Variants in GOLPH3 observed in about 807,000 individuals in gnomAD.
GOLPH3 encodes golgi phosphoprotein 3.
In GOLPH3, 14 loss-of-function variants were observed where a neutral mutation model predicts 28.5. That is an observed-to-expected ratio of 0.49 (90% CI 0.32 to 0.77). The LOEUF is 0.77. GOLPH3 is among the 30% of genes least tolerant of loss of function. The probability of loss-of-function intolerance (pLI) is 0.03; values close to 1 mark genes in which losing one functional copy is unlikely to be tolerated. For synonymous variants in GOLPH3, 158 were observed against 159.2 expected, an observed-to-expected ratio of 0.99 and a Z score of 0.06; for missense variants, 350 against 393.7, an observed-to-expected ratio of 0.89 and a Z score of 0.94.
In GOLPH3 at chr5:32,174,047, GGCGCCGAGCC is replaced by G; in HGVS notation, c.-23_-14del. ...TCAGCGAGGTCATGGCTCCCGCCGA[GGCGCCGAGCC>G]GGGCCGAGAGGGTCGCAGGACCGAC... On this transcript the variant is annotated 5_prime_UTR_variant, in exon 1 of 4. Transcript: ENST00000265070. The G allele has an allele frequency of 7.9e-7, 1 of 1,273,316 alleles. No individual in the cohort carries two copies. Among genetic ancestry groups the G allele is most frequent in the East Asian group, 3.2e-5 (1 of 31,492 alleles). 78.9% of individuals were successfully genotyped at this position (1,273,316 alleles called of 1,614,324 possible). A position where few individuals can be genotyped will look rare whatever the true frequency, so the allele number is the denominator to read the frequency against.
At chr5:32,158,896 C>T (rs148498265) in intron 1 of GOLPH3, among the ~76,000 whole-genome samples, 1 of 152,348 alleles carries the variant, frequency 6.6e-6, no homozygotes, top group Non-Finnish European at 1.5e-5. Context: ...CTCTGCCATA[C>T]ACTGAGTATC....
chr5:32,159,411 T>C (rs683547), intron 1 of GOLPH3, among the ~76,000 whole-genome samples: 43,491 of 152,032 alleles, frequency 0.29, 6,620 homozygotes, highest in South Asian at 0.41. Flanking sequence ...TGTGATATCA[T>C]GTCAGCACTG....
intron 1 of GOLPH3, among the ~76,000 whole-genome samples, chr5:32,173,179 C>T (rs1746882022): frequency 6.6e-6 from 1 of 152,084 alleles, no homozygotes; most frequent in Non-Finnish European, 1.5e-5. Flanking sequence ...AAAAGCGATA[C>T]TAAAAATAAT....
At chr5:32,147,532 T>C (rs538160507) in intron 1 of GOLPH3, among the ~76,000 whole-genome samples, 2 of 151,696 alleles carry the variant, frequency 1.3e-5, no homozygotes, top group Admixed American at 1.3e-4. Context: ...AGACAGAAAA[T>C]AGTCCCATTT....
intron 1 of GOLPH3, among the ~76,000 whole-genome samples, chr5:32,145,662 C>T (rs934840227): frequency 6.6e-6 from 1 of 152,160 alleles, no homozygotes; most frequent in African/African-American, 2.4e-5. Flanking sequence ...CATTTGACAG[C>T]AGAGAACTAA....
At chr5:32,136,639 A>C (rs888728680) in intron 2 of GOLPH3, among the ~76,000 whole-genome samples, 1 of 152,226 alleles carries the variant, frequency 6.6e-6, no homozygotes, top group African/African-American at 2.4e-5. Context: ...TATATTTAAG[A>C]ATTCAGTACA....
In GOLPH3 at chr5:32,124,863, A is replaced by G. The variant is rs1745640849; in HGVS notation, c.*1349T>C. 2 of 152,656 alleles carry G rather than the reference A, an allele frequency of 1.3e-5. No individual in the cohort carries two copies. The highest frequency in any genetic ancestry group is 6.5e-5 in the Admixed American group (1 of 15,276). 9.5% of individuals were successfully genotyped at this position (152,656 alleles called of 1,614,324 possible). Reference sequence around the variant, plus strand: ...GTTAACAACAACAAAAAAAATCTCTAAACACCTGAAAGCCCCACTATTAAC... The same window carrying G: ...GTTAACAACAACAAAAAAAATCTCTGAACACCTGAAAGCCCCACTATTAAC... On this transcript the variant is annotated 3_prime_UTR_variant, in exon 4 of 4. Transcript: ENST00000265070.
intron 1 of GOLPH3, among the ~76,000 whole-genome samples, chr5:32,148,706 AG>A (rs1746233688): frequency 7.0e-6 from 1 of 143,020 alleles, no homozygotes; most frequent in Non-Finnish European, 1.5e-5. Context: ...CTGAGGCAGG[AG>A]AATAACGTGA....
intron 3 of GOLPH3, among the ~76,000 whole-genome samples, chr5:32,130,990 A>C (rs1745813993): frequency 6.6e-6 from 1 of 152,178 alleles, no homozygotes; most frequent in Non-Finnish European, 1.5e-5. Context: ...CTAAACACAG[A>C]CCACCTTCAA....
chr5:32,130,987 C>T (rs1286773332), intron 3 of GOLPH3, among the ~76,000 whole-genome samples: 1 of 152,166 alleles, frequency 6.6e-6, no homozygotes, highest in Non-Finnish European at 1.5e-5. Flanking sequence ...AGCCTAAACA[C>T]AGACCACCTT....
chr5:32,160,193 T>G (rs1036344078), intron 1 of GOLPH3, among the ~76,000 whole-genome samples: 2 of 152,044 alleles, frequency 1.3e-5, no homozygotes, highest in African/African-American at 4.8e-5. Context: ...AATGAGACTC[T>G]GGGGAAAAAA....
At chr5:32,167,335 C>A (rs1451707829) in intron 1 of GOLPH3, among the ~76,000 whole-genome samples, 5 of 152,006 alleles carry the variant, frequency 3.3e-5, no homozygotes, top group African/African-American at 1.2e-4. Flanking sequence ...CCATGTCTGG[C>A]TAATTTTTAT....
intron 3 of GOLPH3, among the ~76,000 whole-genome samples, chr5:32,129,180 C>CA (rs1025701449): frequency 6.6e-6 from 1 of 150,708 alleles, no homozygotes; most frequent in Non-Finnish European, 1.5e-5. Flanking sequence ...AAGACTGTCT[C>CA]AAAAACAAAA....
chr5:32,165,264 C>A lies in GOLPH3; in HGVS notation c.225+8546G>T, dbSNP rs553586042. ...ATTGTACTGAGTGACTGCCAAATGCCAGCCTGAAATATATGACATCAAAAA... is the reference window on the plus strand; with the variant it reads ...ATTGTACTGAGTGACTGCCAAATGCAAGCCTGAAATATATGACATCAAAAA... On this transcript the variant is annotated intron_variant, in intron 1 of 3. Transcript: ENST00000265070. Among the ~76,000 whole-genome samples, 5 of 152,144 alleles carry A rather than the reference C, an allele frequency of 3.3e-5. No homozygotes were observed. The South Asian group carries it at 1.0e-3, about 32-fold the overall frequency.
At chr5:32,157,854 G>C (rs886188406) in intron 1 of GOLPH3, among the ~76,000 whole-genome samples, 1 of 151,830 alleles carries the variant, frequency 6.6e-6, no homozygotes, top group Non-Finnish European at 1.5e-5. Context: ...GTGCATGCCT[G>C]TAATCCCAGC....
At chr5:32,158,132 T>C (rs59161206) in intron 1 of GOLPH3, among the ~76,000 whole-genome samples, 750 of 33,652 alleles carry the variant, frequency 0.022, 40 homozygotes, top group African/African-American at 0.039. Flanking sequence ...ATAAATAAAA[T>C]ACACACACAC....
intron 2 of GOLPH3, among the ~76,000 whole-genome samples, chr5:32,137,189 C>T (rs1365475933): frequency 6.6e-6 from 1 of 151,568 alleles, no homozygotes; most frequent in Non-Finnish European, 1.5e-5. Flanking sequence ...AAACTCCCGA[C>T]CTCAGGTAAT....
intron 2 of GOLPH3, among the ~76,000 whole-genome samples, chr5:32,138,511 T>G (rs1745987905): frequency 6.6e-6 from 1 of 152,178 alleles, no homozygotes; most frequent in Admixed American, 6.5e-5. Context: ...GCATTAGGTA[T>G]ATCTCCTAAT....
At position 32,174,115 on chromosome 5, in the gene GOLPH3, G is replaced by T; in HGVS notation, c.-81C>A. 1 of 990,282 alleles carries T rather than the reference G, an allele frequency of 1.0e-6. No homozygotes were observed. Among genetic ancestry groups the T allele is most frequent in the Non-Finnish European group, 1.3e-6 (1 of 769,304 alleles). 61.3% of individuals were successfully genotyped at this position (990,282 alleles called of 1,614,324 possible). On this transcript the variant is annotated 5_prime_UTR_variant, in exon 1 of 4. Coordinates refer to ENST00000265070, the MANE Select transcript of GOLPH3 (RefSeq NM_022130.4). ...CCCTCCTCCTCCCCGCGCGGCCTCC[G>T]ATCCGGGTTTCCGTGTTAAATCCGG...
Sources: gnomAD v4.1 joint callset for allele counts (sites outside exome capture counted in the v4.1 genomes callset) on GRCh38, gnomAD v4.1.1 for gene constraint, MANE v1.5 for transcripts, NCBI Gene and HGNC (gene_info 2026-07-23, HGNC 2026-07-21) for gene names.